The following ANGPT1 variants were observed in gnomAD, a reference collection of about 807,000 sequenced individuals.
The protein encoded by ANGPT1 is angiopoietin 1, also known as angiopoietin-1.
ANGPT1 carries 17 observed loss-of-function variants against 62.2 expected under a neutral mutation model. That is an observed-to-expected ratio of 0.27 (90% CI 0.19 to 0.41). The LOEUF is 0.41. Among genes scored for constraint, ANGPT1 ranks in the 10% least tolerant of loss-of-function variants. The pLI is 1.00. For synonymous variants in ANGPT1, 199 were observed against 198.9 expected (o/e 1.00, Z 0.00); for missense variants, 478 against 594.9 (o/e 0.80, Z 2.04).
At chr8:107,301,028 C>T (rs1293494087) in intron 5 of ANGPT1, among the ~76,000 whole-genome samples, 2 of 151,870 alleles carry the variant, frequency 1.3e-5, no homozygotes, top group African/African-American at 4.8e-5. Flanking sequence ...GCACCATTTG[C>T]ATCTCATAAT....
At chr8:107,479,479 A>G (rs1812619818) in intron 1 of ANGPT1, among the ~76,000 whole-genome samples, 1 of 152,206 alleles carries the variant, frequency 6.6e-6, no homozygotes, top group South Asian at 2.1e-4. Flanking sequence ...TTCTATGCTC[A>G]TCACTTAAGA....
intron 5 of ANGPT1, among the ~76,000 whole-genome samples, chr8:107,298,683 C>T (rs1403713124): frequency 6.6e-6 from 1 of 151,694 alleles, no homozygotes; most frequent in African/African-American, 2.4e-5. Flanking sequence ...TACTGTACTA[C>T]AATCCTGTTA....
At chr8:107,402,922 T>C (rs1236858877) in intron 1 of ANGPT1, among the ~76,000 whole-genome samples, 2 of 152,196 alleles carry the variant, frequency 1.3e-5, no homozygotes, top group African/African-American at 4.8e-5. Flanking sequence ...ATTTAGTACA[T>C]TTAGTAATGA....
intron 7 of ANGPT1, among the ~76,000 whole-genome samples, chr8:107,279,383 TAA>T (rs549700855): frequency 5.6e-4 from 85 of 152,090 alleles, no homozygotes; most frequent in Middle Eastern, 6.8e-3. Flanking sequence ...TTCAAATTAT[TAA>T]AGAGAGAAGT....
chr8:107,272,893 A>G (rs2130077742), intron 7 of ANGPT1, among the ~76,000 whole-genome samples: 1 of 151,694 alleles, frequency 6.6e-6, no homozygotes, highest in Middle Eastern at 3.4e-3. Flanking sequence ...AATACATAAA[A>G]AAAAAAAAAA....
At chr8:107,410,269 G>T (rs1021908946) in intron 1 of ANGPT1, among the ~76,000 whole-genome samples, 4 of 152,086 alleles carry the variant, frequency 2.6e-5, no homozygotes, top group South Asian at 2.1e-4. Context: ...ACCTTTTAAC[G>T]CTCTAACCCC....
At chr8:107,452,009 A>G (rs943317930) in intron 1 of ANGPT1, among the ~76,000 whole-genome samples, 1 of 151,742 alleles carries the variant, frequency 6.6e-6, no homozygotes, top group Non-Finnish European at 1.5e-5. Context: ...GTTTATATGT[A>G]TGTATACTAT....
At chr8:107,458,995 C>T (rs974153632) in intron 1 of ANGPT1, among the ~76,000 whole-genome samples, 11 of 152,048 alleles carry the variant, frequency 7.2e-5, no homozygotes, top group African/African-American at 1.9e-4. Context: ...ATGCTTGTGA[C>T]GCCATCTTAA....
chr8:107,404,369 G>T (rs1293796698), intron 1 of ANGPT1, among the ~76,000 whole-genome samples: 1 of 151,992 alleles, frequency 6.6e-6, no homozygotes, highest in East Asian at 1.9e-4. Flanking sequence ...AAGATCCTTG[G>T]TTCGTGTCCC....
At chr8:107,463,286 A>G (rs1812118194) in intron 1 of ANGPT1, among the ~76,000 whole-genome samples, 1 of 152,110 alleles carries the variant, frequency 6.6e-6, no homozygotes, top group African/African-American at 2.4e-5. Flanking sequence ...TCAAACATTC[A>G]GAGGAGGCCT....
chr8:107,466,251 C>T lies in ANGPT1; in HGVS notation c.297+31011G>A, dbSNP rs149715001. Among the ~76,000 whole-genome samples the T allele has an allele frequency of 2.1e-3, 327 of 152,156 alleles. 9 individuals are homozygous for T. The East Asian group carries it at 0.043, about 20-fold the overall frequency. ...TTGGAAGTCCTGTTTATCCTATTGT[C>T]TTGGTGAAATTATTAACAGAGCCCC... is the stretch of plus-strand genomic sequence containing the variant. On this transcript the variant is annotated intron_variant, in intron 1 of 8. Transcript: ENST00000517746.
chr8:107,288,146 T>G (rs1814188331), intron 6 of ANGPT1, among the ~76,000 whole-genome samples: 1 of 152,194 alleles, frequency 6.6e-6, no homozygotes, highest in Non-Finnish European at 1.5e-5. Flanking sequence ...AGAGGACTAA[T>G]GTAATATTTT....
intron 3 of ANGPT1, among the ~76,000 whole-genome samples, chr8:107,332,929 C>T (rs1190078100): frequency 1.3e-5 from 2 of 152,282 alleles, no homozygotes; most frequent in African/African-American, 4.8e-5. Flanking sequence ...TAAGGAATAA[C>T]CAGTGGTAAT....
intron 5 of ANGPT1, among the ~76,000 whole-genome samples, chr8:107,301,258 G>A (rs1814581111): frequency 6.6e-6 from 1 of 151,816 alleles, no homozygotes; most frequent in African/African-American, 2.4e-5. Flanking sequence ...ATGGAAGTTC[G>A]CTTAGTATTT....
chr8:107,457,739 A>T (rs1317779161), intron 1 of ANGPT1, among the ~76,000 whole-genome samples: 1 of 151,492 alleles, frequency 6.6e-6, no homozygotes, highest in Non-Finnish European at 1.5e-5. Context: ...AGTTAGTTTC[A>T]CTTTTTGAAG....
intron 8 of ANGPT1, among the ~76,000 whole-genome samples, chr8:107,260,565 T>C (rs1280378041): frequency 2.0e-5 from 3 of 151,782 alleles, no homozygotes; most frequent in East Asian, 1.9e-4. Context: ...TGGTGGGGAG[T>C]AACTAAGTAG....
intron 7 of ANGPT1, among the ~76,000 whole-genome samples, chr8:107,283,007 GCA>G (rs143778406): frequency 0.78 from 117,052 of 150,426 alleles, 45,896 homozygotes; most frequent in Middle Eastern, 0.85. Flanking sequence ...GCATGTGTAT[GCA>G]CACACACACA....
intron 8 of ANGPT1, among the ~76,000 whole-genome samples, chr8:107,254,969 A>G (rs1813325358): frequency 6.6e-6 from 1 of 152,058 alleles, no homozygotes; most frequent in African/African-American, 2.4e-5. Context: ...CATCCTGAGC[A>G]TATGTGACAG....
In ANGPT1 at chr8:107,402,372, TA is replaced by T. The variant is rs10710017; in HGVS notation, c.298-55276del. Among the ~76,000 whole-genome samples the T allele has an allele frequency of 1.8e-3, 275 of 152,286 alleles. 1 individual carries two copies. Among genetic ancestry groups the T allele is most frequent in the African/African-American group, 6.1e-3 (252 of 41,560 alleles). On this transcript the variant is annotated intron_variant, in intron 1 of 8. Coordinates refer to ENST00000517746, the MANE Select transcript of ANGPT1 (RefSeq NM_001146.5). ...AAACCGAGTGGATCCTAGAGACCCT[TA>T]AATACGACAAAATATTTGTCCAGAT...
Sources: allele counts gnomAD v4.1 joint callset (sites outside exome capture counted in the v4.1 genomes callset), GRCh38; gene constraint gnomAD v4.1.1; transcripts MANE v1.5; gene names NCBI Gene and HGNC (gene_info 2026-07-23, HGNC 2026-07-21).